RAB5C: variants seen among roughly 807,000 people sequenced by gnomAD.
The protein encoded by RAB5C is ras-related protein Rab-5C.
Under a neutral mutation model 25.2 loss-of-function variants are expected in RAB5C, and 4 were observed. The observed-to-expected ratio is 0.16, with a 90% CI of 0.08 to 0.36. The LOEUF (loss-of-function observed/expected upper bound fraction) is 0.36. Ranked by LOEUF, RAB5C falls within the 10% of genes least tolerant of loss-of-function variation. The pLI, the probability that RAB5C is intolerant of heterozygous loss-of-function variation, is 1.00. For missense variants in RAB5C, 199 were observed against 283.8 expected (o/e 0.70, Z 2.15); for synonymous variants, 100 against 106.4 (o/e 0.94, Z 0.37).
intron 1 of RAB5C, chr17:42,154,630 T>C (rs1295571916): frequency 6.6e-6 from 1 of 152,212 alleles, no homozygotes; most frequent in Non-Finnish European, 1.5e-5. Context: ...GAGCGGAACT[T>C]AGGGTACCTC....
At chr17:42,141,307 A>T (rs2079602114) in intron 1 of RAB5C, among the ~76,000 whole-genome samples, 1 of 152,192 alleles carries the variant, frequency 6.6e-6, no homozygotes, top group Non-Finnish European at 1.5e-5. Context: ...GAGGGTTGTG[A>T]GAGAGAAAGC....
chr17:42,145,237 G>A (rs1390016104), intron 1 of RAB5C, among the ~76,000 whole-genome samples: 1 of 152,112 alleles, frequency 6.6e-6, no homozygotes, highest in Non-Finnish European at 1.5e-5. Flanking sequence ...TCAACAAGGG[G>A]AACATGAACA....
intron 1 of RAB5C, among the ~76,000 whole-genome samples, chr17:42,148,927 G>A (rs759774081): frequency 3.3e-5 from 5 of 152,188 alleles, no homozygotes; most frequent in African/African-American, 4.8e-5. Context: ...GGGGTTGTCG[G>A]AGGATTAAAG....
chr17:42,141,017 T>C (rs1470387918), intron 1 of RAB5C, among the ~76,000 whole-genome samples: 1 of 152,038 alleles, frequency 6.6e-6, no homozygotes, highest in Non-Finnish European at 1.5e-5. Flanking sequence ...TTTGTAGAGA[T>C]GGGGTTTCAC....
chr17:42,131,533 AC>A (rs1310169103), intron 1 of RAB5C: 2 of 1,402,068 alleles, frequency 1.4e-6, no homozygotes, highest in Non-Finnish European at 1.9e-6. Flanking sequence ...ACAAACACAC[AC>A]AGAAACACAC....
chr17:42,134,756 G>T (rs940264230), intron 1 of RAB5C, among the ~76,000 whole-genome samples: 8 of 152,170 alleles, frequency 5.3e-5, no homozygotes, highest in African/African-American at 1.9e-4. Flanking sequence ...GGGAGAGAAT[G>T]TATAAGGACT....
chr17:42,150,967 T>C (rs2079667070), intron 1 of RAB5C, among the ~76,000 whole-genome samples: 1 of 152,074 alleles, frequency 6.6e-6, no homozygotes, highest in African/African-American at 2.4e-5. Flanking sequence ...TTCTGCAAGG[T>C]ATTTAGCATC....
chr17:42,128,190 C>T (rs563618719), intron 4 of RAB5C, 71 bp downstream of exon 4: 3 of 1,548,654 alleles, frequency 1.9e-6, no homozygotes, highest in East Asian at 2.3e-5. Context: ...CCCAAAGCCC[C>T]TGAGCATCCC....
intron 1 of RAB5C, among the ~76,000 whole-genome samples, chr17:42,149,867 C>G (rs1205049990): frequency 6.7e-6 from 1 of 148,312 alleles, no homozygotes; most frequent in African/African-American, 2.5e-5. Context: ...CATTATGTTG[C>G]CCAGGCTGGT....
chr17:42,130,181 G>A (rs1428128456), intron 2 of RAB5C, 156 bp downstream of exon 2: 3 of 1,019,480 alleles, frequency 2.9e-6, no homozygotes, highest in East Asian at 5.4e-5. Flanking sequence ...GAGACCAGTT[G>A]CTGGGCTCAA....
chr17:42,138,151 TATG>T (rs536693171), intron 1 of RAB5C, among the ~76,000 whole-genome samples: 1 of 152,070 alleles, frequency 6.6e-6, no homozygotes, highest in Non-Finnish European at 1.5e-5. Flanking sequence ...GTTATAACAG[TATG>T]ATATTCTCCA....
At chr17:42,127,346 A>C (rs1362439740) in intron 4 of RAB5C, among the ~76,000 whole-genome samples, 1 of 152,212 alleles carries the variant, frequency 6.6e-6, no homozygotes, top group East Asian at 1.9e-4. Flanking sequence ...AATTAGAAGA[A>C]GAGAAGTTGA....
In RAB5C at chr17:42,140,832, T is replaced by C. The variant is rs2079599228; in HGVS notation, c.-88-10242A>G. 2.0e-5 allele frequency among the ~76,000 whole-genome samples: 3 copies of C among 151,836 alleles called. No individual in the cohort carries two copies. The South Asian group carries it at 6.2e-4, about 32-fold the overall frequency. On this transcript the variant is annotated intron_variant, in intron 1 of 5. Coordinates refer to ENST00000346213, the MANE Select transcript of RAB5C (RefSeq NM_004583.4). ...TGAGCCACCACACCCAGCTCTTTTTTCTATATACATTTTTGAGACAGGGTC... is the reference window on the plus strand; with the variant it reads ...TGAGCCACCACACCCAGCTCTTTTTCCTATATACATTTTTGAGACAGGGTC...
At chr17:42,127,198 G>A (rs1467926643) in intron 4 of RAB5C, among the ~76,000 whole-genome samples, 1 of 152,208 alleles carries the variant, frequency 6.6e-6, no homozygotes, top group African/African-American at 2.4e-5. Flanking sequence ...GTCTACTGCA[G>A]CACTGTTTTC....
At position 42,128,371 on chromosome 17, in the gene RAB5C, G is replaced by A. The variant is rs1463476658; in HGVS notation, c.331C>T (p.Arg111Trp). ...YDITNTDTFA[R>W]AKNWVKELQR... ...AGCTCCTTCACCCAGTTCTTGGCCC[G>A]TGCAAATGTATCCTGAGGAGACAGG... is the stretch of plus-strand genomic sequence containing the variant. The change falls in exon 4 of 6, where the codon CGG becomes TGG. Residue 111 changes from arginine (R) to tryptophan (W), a missense_variant. Around this residue, in one of 3 missense-constraint regions of RAB5C, gnomAD observed 154 missense variants for 199.6 expected, o/e 0.77. Coordinates refer to ENST00000346213, the MANE Select transcript of RAB5C (RefSeq NM_004583.4). The A allele has an allele frequency of 1.2e-6, 2 of 1,613,410 alleles. No homozygotes were observed. The highest frequency in any genetic ancestry group is 1.1e-5 in the South Asian group (1 of 90,972).
At position 42,128,244 on chromosome 17, in the gene RAB5C, G is replaced by A; in HGVS notation, c.441+17C>T. The stretch of plus-strand genomic sequence containing the variant: ...CTGCTTACTCCACTCCTTCCCCCAA[G>A]TCTGTCATCTCCCCACCTGGAATTC... On this transcript the variant is annotated intron_variant, in intron 4 of 5. Transcript: ENST00000346213. 1 of 1,610,996 alleles carries A rather than the reference G, an allele frequency of 6.2e-7. No individual in the cohort carries two copies. The highest frequency in any genetic ancestry group is 8.5e-7 in the Non-Finnish European group (1 of 1,178,286).
intron 1 of RAB5C, among the ~76,000 whole-genome samples, chr17:42,133,486 T>C (rs1386803523): frequency 6.6e-6 from 1 of 152,226 alleles, no homozygotes; most frequent in Non-Finnish European, 1.5e-5. Context: ...ATAACTCTCC[T>C]GCAGTGGTTC....
chr17:42,126,963 T>G, intron 4 of RAB5C, 115 bp from the exon 5 acceptor site: 1 of 616,382 alleles, frequency 1.6e-6, no homozygotes. Flanking sequence ...AGAGATCAGC[T>G]GGACACACAC....
chr17:42,153,281 T>C (rs956685672), intron 1 of RAB5C, among the ~76,000 whole-genome samples: 1 of 151,944 alleles, frequency 6.6e-6, no homozygotes, highest in African/African-American at 2.4e-5. Flanking sequence ...CCGGGTGTGG[T>C]GGCAGGCGCC....
Sources: gnomAD v4.1 joint callset for allele counts (sites outside exome capture counted in the v4.1 genomes callset) on GRCh38, gnomAD v4.1.1 for gene constraint, gnomAD v4.1.1 regional missense constraint, MANE v1.5 for transcripts, NCBI Gene and HGNC (gene_info 2026-07-23, HGNC 2026-07-21) for gene names.